Variants in TSHR observed in about 807,000 individuals in gnomAD.
TSHR encodes the protein thyroid stimulating hormone receptor.
Under a neutral mutation model 64.1 loss-of-function variants are expected in TSHR, and 51 were observed. That is an observed-to-expected ratio of 0.80 (90% confidence interval 0.64 to 1.01). TSHR has a LOEUF of 1.01. Among genes scored for constraint, TSHR ranks in the 50% least tolerant of loss-of-function variants. The pLI, the probability that TSHR is intolerant of heterozygous loss-of-function variation, is 0.00. For missense variants in TSHR, 877 were observed against 942.8 expected, an observed-to-expected ratio of 0.93 and a Z score of 0.91; for synonymous variants, 361 against 361.9, an observed-to-expected ratio of 1.00 and a Z score of 0.03.
chr14:81,105,885 C>T (rs1309150967), intron 7 of TSHR, among the ~76,000 whole-genome samples: 1 of 152,088 alleles, frequency 6.6e-6, no homozygotes, highest in Non-Finnish European at 1.5e-5. Flanking sequence ...AGATGCAAGC[C>T]AGTGCAGCCC....
chr14:80,955,628 T>C lies in TSHR; in HGVS notation c.-53T>C. ...CCTGGGGTAACCCGAGGTGCAGAGC[T>C]GAGAATGAGGCGATTTCGGAGGATG... On this transcript the variant is annotated 5_prime_UTR_variant, in exon 1 of 10. Coordinates refer to ENST00000298171, the MANE Select transcript of TSHR (RefSeq NM_000369.5). 1.9e-6 allele frequency: 3 copies of C among 1,609,754 alleles called. No homozygotes were observed. The highest frequency in any genetic ancestry group is 2.5e-6 in the Non-Finnish European group (3 of 1,177,750).
intron 3 of TSHR, among the ~76,000 whole-genome samples, chr14:81,073,524 T>A (rs1187777095): frequency 2.6e-5 from 4 of 152,130 alleles, no homozygotes; most frequent in African/African-American, 9.7e-5. Context: ...AATCACCATG[T>A]TCTCTAACTA....
intron 1 of TSHR, chr14:80,991,432 A>G (rs1888720726): frequency 2.6e-6 from 1 of 391,308 alleles, no homozygotes; most frequent in Admixed American, 4.5e-5. Context: ...AAATAGAGAG[A>G]CAAATTTTTG....
chr14:81,013,629 G>A (rs1289769640), intron 1 of TSHR: 1 of 152,126 alleles, frequency 6.6e-6, no homozygotes, highest in Non-Finnish European at 1.5e-5. Flanking sequence ...TGAGCCATGG[G>A]CTTTAGTAAG....
intron 3 of TSHR, among the ~76,000 whole-genome samples, chr14:81,074,059 A>G (rs1595056536): frequency 1.3e-5 from 2 of 152,160 alleles, no homozygotes; most frequent in South Asian, 4.1e-4. Context: ...GTTGTTATTT[A>G]TAAGTTTTTT....
chr14:80,988,238 A>T (rs1255996018), intron 1 of TSHR, among the ~76,000 whole-genome samples: 1 of 152,224 alleles, frequency 6.6e-6, no homozygotes, highest in East Asian at 1.9e-4. Context: ...TGGGTAATTG[A>T]TAAAGAAAAG....
intron 1 of TSHR, among the ~76,000 whole-genome samples, chr14:81,047,879 C>T (rs1885246706): frequency 6.6e-6 from 1 of 152,042 alleles, no homozygotes; most frequent in African/African-American, 2.4e-5. Flanking sequence ...ATCTCCTGAC[C>T]TCATGATCCA....
In TSHR at chr14:81,143,509, A is replaced by G. The variant is rs1376761472; in HGVS notation, c.1451A>G (p.His484Arg). 2 of 1,613,786 alleles carry G rather than the reference A, an allele frequency of 1.2e-6. No homozygotes were observed. Among genetic ancestry groups the G allele is most frequent in the East Asian group, 2.2e-5 (1 of 44,862 alleles). ...DLYTHSEYYN[H>R]AIDWQTGPGC... ...TACACTCACTCTGAGTACTACAACC[A>G]TGCCATCGACTGGCAGACAGGCCCT... Residue 484 changes from histidine to arginine, a missense_variant, in exon 10 of 10, where the codon CAT becomes CGT. Coordinates refer to ENST00000298171, the MANE Select transcript of TSHR (RefSeq NM_000369.5).
At chr14:81,091,442 G>A (rs1290341097) in intron 5 of TSHR, among the ~76,000 whole-genome samples, 1 of 152,166 alleles carries the variant, frequency 6.6e-6, no homozygotes, top group African/African-American at 2.4e-5. Flanking sequence ...TAACTCTTTT[G>A]AGAGGTTTTA....
chr14:80,963,520 G>T (rs1393102068), intron 1 of TSHR, among the ~76,000 whole-genome samples: 1 of 152,198 alleles, frequency 6.6e-6, no homozygotes, highest in African/African-American at 2.4e-5. Flanking sequence ...AGTTTTACAT[G>T]ACACAGGAGG....
chr14:81,109,337 A>G (rs1247898123), intron 8 of TSHR, among the ~76,000 whole-genome samples: 1 of 152,086 alleles, frequency 6.6e-6, no homozygotes, highest in Non-Finnish European at 1.5e-5. Context: ...TGAACCCAGG[A>G]GGAGGAGCTT....
chr14:81,045,349 C>T (rs1885124875), intron 1 of TSHR, among the ~76,000 whole-genome samples: 1 of 152,112 alleles, frequency 6.6e-6, no homozygotes, highest in African/African-American at 2.4e-5. Context: ...GGTAGAATTC[C>T]ACAGTGAACC....
In TSHR at chr14:81,143,793, G is replaced by A. The variant is rs777498124; in HGVS notation, c.1735G>A (p.Ala579Thr). Reference sequence around the variant, plus strand: ...GCCCATGGACACCGAGACCCCTCTTGCTCTGGCATATATTGTTTTTGTTCT... The same window carrying A: ...GCCCATGGACACCGAGACCCCTCTTACTCTGGCATATATTGTTTTTGTTCT... ...CLPMDTETPL[A>T]LAYIVFVLTL... Residue 579 changes from alanine (A) to threonine (T), a missense_variant, in exon 10 of 10, where the codon GCT (alanine) becomes ACT (threonine). Ala to Thr is a moderately conservative substitution (Grantham distance 58, BLOSUM62 0). Coordinates refer to ENST00000298171, the MANE Select transcript of TSHR (RefSeq NM_000369.5). 3 of 1,613,984 alleles carry A rather than the reference G, an allele frequency of 1.9e-6. No homozygotes were observed. The highest frequency in any genetic ancestry group is 3.3e-5 in the Admixed American group (2 of 60,014).
chr14:81,018,161 T>C (rs1025185509), intron 1 of TSHR, among the ~76,000 whole-genome samples: 1 of 152,334 alleles, frequency 6.6e-6, no homozygotes, highest in Non-Finnish European at 1.5e-5. Flanking sequence ...CTTTAGCCCA[T>C]GTAATCCAGT....
At chr14:81,137,433 C>T (rs1328305825) in intron 8 of TSHR, among the ~76,000 whole-genome samples, 1 of 152,160 alleles carries the variant, frequency 6.6e-6, no homozygotes, top group Non-Finnish European at 1.5e-5. Flanking sequence ...TAGAATCTGG[C>T]TGACATAATG....
At chr14:81,047,180 A>T (rs1297133840) in intron 1 of TSHR, among the ~76,000 whole-genome samples, 3 of 152,218 alleles carry the variant, frequency 2.0e-5, no homozygotes, top group African/African-American at 7.2e-5. Flanking sequence ...AATAATTGAA[A>T]CACACATACT....
chr14:80,956,809 AG>A (rs1052714858), intron 1 of TSHR, among the ~76,000 whole-genome samples: 7 of 152,206 alleles, frequency 4.6e-5, no homozygotes, highest in Admixed American at 2.0e-4. Context: ...ATTTGAGCAC[AG>A]AGATATATTT....
intron 9 of TSHR, among the ~76,000 whole-genome samples, chr14:81,142,394 T>C (rs1221714176): frequency 2.0e-5 from 3 of 151,968 alleles, no homozygotes; most frequent in Non-Finnish European, 4.4e-5. Flanking sequence ...GGCCACTTTT[T>C]TTTTTTTAAT....
chr14:81,143,146 T>A lies in TSHR; in HGVS notation c.1088T>A (p.Ile363Asn), dbSNP rs777555037. ...YVFFEEQEDE[I>N]IGFGQELKNP... ...TTCTTTGAAGAACAAGAGGATGAGA[T>A]CATTGGTTTTGGCCAGGAGCTCAAA... Residue 363 changes from isoleucine to asparagine, a missense_variant, in exon 10 of 10, where the codon ATC (isoleucine) becomes AAC (asparagine). Ile to Asn is a moderately radical substitution (Grantham distance 149). Coordinates refer to ENST00000298171, the MANE Select transcript of TSHR (RefSeq NM_000369.5). The A allele has an allele frequency of 1.2e-6, 2 of 1,614,096 alleles. No homozygotes were observed. The highest frequency in any genetic ancestry group is 2.2e-5 in the South Asian group (2 of 91,074).
Sources: allele counts gnomAD v4.1 joint callset (sites outside exome capture counted in the v4.1 genomes callset), GRCh38; gene constraint gnomAD v4.1.1; transcripts MANE v1.5; gene names NCBI Gene and HGNC (gene_info 2026-07-23, HGNC 2026-07-21).